Variants in DKK2 observed in about 807,000 individuals in gnomAD.
The protein encoded by DKK2 is dickkopf-related protein 2.
DKK2 carries 11 observed loss-of-function variants against 28.1 expected under a neutral mutation model. The observed-to-expected ratio is 0.39, with a 90% CI of 0.25 to 0.65. The LOEUF (loss-of-function observed/expected upper bound fraction) is 0.65. DKK2 is among the 30% of genes least tolerant of loss of function. The pLI is 0.47. For synonymous variants in DKK2, 135 were observed against 126.5 expected (o/e 1.07, Z -0.45); for missense variants, 326 against 335.5 (o/e 0.97, Z 0.22).
intron 1 of DKK2, among the ~76,000 whole-genome samples, chr4:107,022,240 C>T (rs1418744571): frequency 6.6e-6 from 1 of 152,106 alleles, no homozygotes; most frequent in African/African-American, 2.4e-5. Context: ...TTCAAGTGCA[C>T]TACATTTGTT....
At chr4:106,953,240 C>T (rs1046690630) in intron 1 of DKK2, among the ~76,000 whole-genome samples, 3 of 152,070 alleles carry the variant, frequency 2.0e-5, no homozygotes, top group Non-Finnish European at 4.4e-5. Context: ...ATGTTGTTAC[C>T]GGGGCAACCA....
intron 1 of DKK2, among the ~76,000 whole-genome samples, chr4:106,965,003 A>AGATAGATT (rs1205434016): frequency 4.8e-5 from 7 of 146,840 alleles, no homozygotes; most frequent in South Asian, 2.1e-4. Flanking sequence ...ATAGATAGAT[A>AGATAGATT]GATTGATTGA....
intron 1 of DKK2, among the ~76,000 whole-genome samples, chr4:107,028,854 T>C (rs1377097333): frequency 1.3e-5 from 2 of 152,212 alleles, no homozygotes; most frequent in East Asian, 1.9e-4. Context: ...CTCTGTCACA[T>C]AGCGACATTC....
At chr4:106,950,832 C>T (rs946806710) in intron 1 of DKK2, among the ~76,000 whole-genome samples, 1 of 152,156 alleles carries the variant, frequency 6.6e-6, no homozygotes, top group Non-Finnish European at 1.5e-5. Flanking sequence ...GCTAAATTTT[C>T]CACGAAGTTA....
chr4:106,959,086 T>C, intron 1 of DKK2, among the ~76,000 whole-genome samples: 1 of 152,096 alleles, frequency 6.6e-6, no homozygotes, highest in East Asian at 1.9e-4. Context: ...AAAAATTGAT[T>C]ATATCAAGCA....
In DKK2 at chr4:106,991,547, A is replaced by G. The variant is rs145295877; in HGVS notation, c.222+43823T>C. Among the ~76,000 whole-genome samples the G allele has an allele frequency of 8.8e-4, 134 of 152,276 alleles. 1 individual carries two copies. In the East Asian group the frequency reaches 0.01, roughly 12 times the overall value. ...CAAATTCTTCACCTGGGCTTCTGAG[A>G]ACTTCATAACTTGAATTTAACCTAC... is the stretch of plus-strand genomic sequence containing the variant. On this transcript the variant is annotated intron_variant, in intron 1 of 3. Coordinates refer to ENST00000285311, the MANE Select transcript of DKK2 (RefSeq NM_014421.3).
intron 1 of DKK2, among the ~76,000 whole-genome samples, chr4:106,946,232 A>T (rs1005215286): frequency 2.6e-5 from 4 of 151,964 alleles, no homozygotes; most frequent in Non-Finnish European, 4.4e-5. Flanking sequence ...GATATTTAAT[A>T]ATATTAATAT....
chr4:106,939,746 G>A (rs1277950318), intron 1 of DKK2, among the ~76,000 whole-genome samples: 1 of 152,158 alleles, frequency 6.6e-6, no homozygotes, highest in Non-Finnish European at 1.5e-5. Flanking sequence ...GCATGGTACT[G>A]ATACCAAAAC....
At chr4:106,983,333 AAAGG>A (rs373476632) in intron 1 of DKK2, among the ~76,000 whole-genome samples, 21 of 121,426 alleles carry the variant, frequency 1.7e-4, no homozygotes, top group South Asian at 5.9e-4. Flanking sequence ...AGAAAGGAAG[AAAGG>A]AAGAAAGAAA....
intron 1 of DKK2, among the ~76,000 whole-genome samples, chr4:107,031,175 A>AT (rs1416453996): frequency 1.3e-5 from 2 of 151,934 alleles, no homozygotes; most frequent in Non-Finnish European, 2.9e-5. Flanking sequence ...AAATTCCTTT[A>AT]TTTTTTAAAA....
intron 1 of DKK2, among the ~76,000 whole-genome samples, chr4:106,976,611 T>G (rs2110356275): frequency 6.6e-6 from 1 of 152,334 alleles, no homozygotes; most frequent in Non-Finnish European, 1.5e-5. Flanking sequence ...CTCCATCCCT[T>G]TATTTTAAGC....
intron 1 of DKK2, among the ~76,000 whole-genome samples, chr4:106,999,506 C>T (rs536116375): frequency 2.0e-5 from 3 of 152,114 alleles, no homozygotes; most frequent in Admixed American, 2.0e-4. Context: ...ACCACCATGC[C>T]CGGCTAATTT....
chr4:106,992,331 G>T (rs979360591), intron 1 of DKK2, among the ~76,000 whole-genome samples: 3 of 152,128 alleles, frequency 2.0e-5, no homozygotes, highest in African/African-American at 7.2e-5. Flanking sequence ...TCTGATTAAC[G>T]TGTGGAATCC....
At chr4:107,022,418 G>A (rs963119215) in intron 1 of DKK2, among the ~76,000 whole-genome samples, 2 of 152,032 alleles carry the variant, frequency 1.3e-5, no homozygotes, top group Non-Finnish European at 2.9e-5. Context: ...TGGTTTCTCT[G>A]GCCTCCAACT....
At chr4:107,011,947 C>T (rs368507934) in intron 1 of DKK2, among the ~76,000 whole-genome samples, 9 of 151,430 alleles carry the variant, frequency 5.9e-5, no homozygotes, top group African/African-American at 2.2e-4. Flanking sequence ...GAATCACTGG[C>T]ATAGGACAAT....
At chr4:107,009,672 C>G (rs936485510) in intron 1 of DKK2, among the ~76,000 whole-genome samples, 8 of 151,716 alleles carry the variant, frequency 5.3e-5, no homozygotes, top group Non-Finnish European at 8.8e-5. Flanking sequence ...AACATGGGAA[C>G]TTGCAGCTGG....
chr4:107,026,814 T>C (rs1723787465), intron 1 of DKK2, among the ~76,000 whole-genome samples: 2 of 152,232 alleles, frequency 1.3e-5, no homozygotes, highest in African/African-American at 2.4e-5. Context: ...GTGGTTGCTG[T>C]TATTTCTGGC....
rs186115144 is a variant in DKK2 at position 106,959,596 on chromosome 4, T to G, written c.223-33647A>C. On this transcript the variant is annotated intron_variant, in intron 1 of 3. Coordinates refer to ENST00000285311, the MANE Select transcript of DKK2 (RefSeq NM_014421.3). Reference sequence around the variant, plus strand: ...AAGTAACTTCATTTCTGGAACAGAATGGTGTGATTTTAATGGAAATTTCAA... The same window carrying G: ...AAGTAACTTCATTTCTGGAACAGAAGGGTGTGATTTTAATGGAAATTTCAA... Among the ~76,000 whole-genome samples the G allele has an allele frequency of 1.6e-3, 238 of 152,172 alleles. 1 individual carries two copies. The highest frequency in any genetic ancestry group is 5.5e-3 in the African/African-American group (227 of 41,528).
chr4:106,967,796 A>AG (rs1460383154), intron 1 of DKK2, among the ~76,000 whole-genome samples: 1 of 151,174 alleles, frequency 6.6e-6, no homozygotes, highest in Non-Finnish European at 1.5e-5. Flanking sequence ...AAGAGAAAGG[A>AG]GGGGAGAAGA....
Sources: gnomAD v4.1 joint callset for allele counts (sites outside exome capture counted in the v4.1 genomes callset) on GRCh38, gnomAD v4.1.1 for gene constraint, MANE v1.5 for transcripts, NCBI Gene and HGNC (gene_info 2026-07-23, HGNC 2026-07-21) for gene names.